Variants in ATP8B4 observed in about 807,000 individuals in gnomAD.
ATP8B4 encodes ATPase phospholipid transporting 8B4 (putative), also known as probable phospholipid-transporting ATPase IM.
Under a neutral mutation model 145.6 loss-of-function variants are expected in ATP8B4, and 133 were observed. The observed-to-expected ratio is 0.91, with a 90% CI of 0.79 to 1.05. The LOEUF is 1.05. Among genes scored for constraint, ATP8B4 ranks in the 50% least tolerant of loss-of-function variants. The pLI, the probability that ATP8B4 is intolerant of heterozygous loss-of-function variation, is 0.00. For synonymous variants in ATP8B4, 507 were observed against 492.9 expected, an observed-to-expected ratio of 1.03 and a Z score of -0.38; for missense variants, 1,458 against 1,425.2, an observed-to-expected ratio of 1.02 and a Z score of -0.37.
intron 3 of ATP8B4, among the ~76,000 whole-genome samples, chr15:50,053,011 GA>G (rs1360206191): frequency 2.0e-5 from 3 of 152,180 alleles, no homozygotes; most frequent in Non-Finnish European, 4.4e-5. Flanking sequence ...GAATAGATAT[GA>G]AAAGAGCGAT....
At chr15:50,162,062 C>A (rs746785415) in intron 1 of ATP8B4, among the ~76,000 whole-genome samples, 27 of 151,996 alleles carry the variant, frequency 1.8e-4, no homozygotes, top group Middle Eastern at 3.4e-3. Context: ...ATTTTTTTTA[C>A]CTTCAGCACT....
At chr15:49,961,594 T>A (rs1245274007) in intron 14 of ATP8B4, among the ~76,000 whole-genome samples, 1 of 152,188 alleles carries the variant, frequency 6.6e-6, no homozygotes, top group East Asian at 1.9e-4. Context: ...CAAAATACCA[T>A]TCAGCCATTA....
chr15:50,138,322 A>ATAGG (rs770236485), intron 1 of ATP8B4, among the ~76,000 whole-genome samples: 2,585 of 121,092 alleles, frequency 0.021, 24 homozygotes, highest in Middle Eastern at 0.035. Flanking sequence ...AGATAGATAG[A>ATAGG]TAGGTAGATA....
intron 6 of ATP8B4, among the ~76,000 whole-genome samples, chr15:50,018,141 C>G (rs1445378728): frequency 6.6e-6 from 1 of 152,068 alleles, no homozygotes; most frequent in African/African-American, 2.4e-5. Flanking sequence ...ACATGCATCA[C>G]CACACCTGGC....
intron 13 of ATP8B4, among the ~76,000 whole-genome samples, chr15:49,969,375 T>G (rs1319119951): frequency 6.6e-6 from 1 of 151,828 alleles, no homozygotes; most frequent in African/African-American, 2.4e-5. Context: ...GACAGACCAC[T>G]AGCCAGAATA....
At chr15:49,861,321 A>AC (rs1468062549) in intron 27 of ATP8B4, among the ~76,000 whole-genome samples, 1 of 152,094 alleles carries the variant, frequency 6.6e-6, no homozygotes, top group Non-Finnish European at 1.5e-5. Flanking sequence ...GACAGATATG[A>AC]CAAGGGACTC....
chr15:50,104,332 G>A (rs1197330712), intron 2 of ATP8B4, among the ~76,000 whole-genome samples: 2 of 151,780 alleles, frequency 1.3e-5, no homozygotes, highest in Non-Finnish European at 2.9e-5. Flanking sequence ...CTATACATCC[G>A]ACAAAAGACT....
chr15:50,035,634 C>T (rs543029741), intron 6 of ATP8B4, among the ~76,000 whole-genome samples: 3 of 152,196 alleles, frequency 2.0e-5, no homozygotes, highest in East Asian at 3.9e-4. Context: ...GCTCAATAAA[C>T]GTGTTGAATC....
intron 2 of ATP8B4, among the ~76,000 whole-genome samples, chr15:50,092,819 G>A (rs566108452): frequency 1.3e-5 from 2 of 152,028 alleles, no homozygotes; most frequent in East Asian, 3.9e-4. Flanking sequence ...TTCTGACTGG[G>A]AATTTTCCAA....
intron 2 of ATP8B4, among the ~76,000 whole-genome samples, chr15:50,083,184 T>C (rs986049112): frequency 6.6e-6 from 1 of 152,182 alleles, no homozygotes; most frequent in Non-Finnish European, 1.5e-5. Flanking sequence ...TCTGCTGCAC[T>C]GGGAAGGCCT....
rs527963132 is a variant in ATP8B4, at chr15:50,026,171, T to G, written c.362+12597A>C. Among the ~76,000 whole-genome samples the G allele has an allele frequency of 1.2e-3, 190 of 152,326 alleles. 1 individual carries two copies. The highest frequency in any genetic ancestry group is 4.5e-3 in the African/African-American group (187 of 41,568). ...AAATCCATCCTCATACTTTCAATAT[T>G]CCATTTGCTGTTAAATCTTTTTATC... On this transcript the variant is annotated intron_variant, in intron 6 of 27. Coordinates refer to ENST00000284509, the MANE Select transcript of ATP8B4 (RefSeq NM_024837.4).
At chr15:50,020,685 A>G (rs1423954415) in intron 6 of ATP8B4, among the ~76,000 whole-genome samples, 2 of 152,154 alleles carry the variant, frequency 1.3e-5, no homozygotes, top group African/African-American at 4.8e-5. Flanking sequence ...CTTCTTCCCC[A>G]GTTTTCTCCA....
intron 8 of ATP8B4, among the ~76,000 whole-genome samples, chr15:50,000,382 A>C (rs536930118): frequency 2.0e-5 from 3 of 152,232 alleles, no homozygotes; most frequent in Non-Finnish European, 2.9e-5. Context: ...TTTTCATTTT[A>C]GCCATTCTGA....
chr15:50,056,362 C>A (rs2052596965), intron 3 of ATP8B4, among the ~76,000 whole-genome samples: 1 of 152,140 alleles, frequency 6.6e-6, no homozygotes, highest in South Asian at 2.1e-4. Flanking sequence ...GAGGCAGGAA[C>A]AAGCAGACAA....
chr15:49,865,133 G>A (rs1369759221), intron 26 of ATP8B4, among the ~76,000 whole-genome samples: 1 of 152,154 alleles, frequency 6.6e-6, no homozygotes, highest in East Asian at 1.9e-4. Flanking sequence ...CTCCTGGAAG[G>A]GAAGAGGGAC....
chr15:49,981,444 T>C (rs763280584), intron 10 of ATP8B4, 150 bp from the exon 11 acceptor site: 1 of 605,508 alleles, frequency 1.7e-6, no homozygotes, highest in Non-Finnish European at 2.8e-6. Flanking sequence ...AAGTTGTACA[T>C]GATTCTCAAC....
intron 23 of ATP8B4, chr15:49,896,275 G>A (rs2037388663): frequency 6.6e-6 from 1 of 152,220 alleles, no homozygotes. Context: ...AGAAAATTAG[G>A]AATGGGAACA....
intron 6 of ATP8B4, among the ~76,000 whole-genome samples, chr15:50,036,278 G>A (rs1159077216): frequency 2.6e-5 from 4 of 152,250 alleles, no homozygotes; most frequent in Middle Eastern, 3.4e-3. Context: ...TCCTCAGCCC[G>A]AGCTCAAGGG....
intron 2 of ATP8B4, among the ~76,000 whole-genome samples, chr15:50,077,918 C>T (rs2054287506): frequency 2.6e-5 from 4 of 152,136 alleles, no homozygotes. Flanking sequence ...AGAAAAGCCT[C>T]TGTCAGCAGG....
Sources: allele counts gnomAD v4.1 joint callset (sites outside exome capture counted in the v4.1 genomes callset), GRCh38; gene constraint gnomAD v4.1.1; transcripts MANE v1.5; gene names NCBI Gene and HGNC (gene_info 2026-07-23, HGNC 2026-07-21).